The following LEPR variants were observed in gnomAD, a reference collection of about 807,000 sequenced individuals.
LEPR encodes the protein leptin receptor.
LEPR carries 56 observed loss-of-function variants against 114.7 expected under a neutral mutation model. The observed-to-expected ratio is 0.49, with a 90% CI of 0.39 to 0.61. The LOEUF is 0.61. Ranked by LOEUF, LEPR falls within the 20% of genes least tolerant of loss-of-function variation. LEPR has a pLI of 0.00. For missense variants in LEPR, 1,202 were observed against 1,352.9 expected, an observed-to-expected ratio of 0.89 and a Z score of 1.75; for synonymous variants, 443 against 461.4, an observed-to-expected ratio of 0.96 and a Z score of 0.51.
intron 2 of LEPR, among the ~76,000 whole-genome samples, chr1:65,504,776 A>G (rs376129188): frequency 2.8e-4 from 43 of 152,330 alleles, no homozygotes; most frequent in African/African-American, 9.9e-4. Flanking sequence ...ATGTACCAAT[A>G]TTGGTTCATT....
intron 2 of LEPR, chr1:65,526,124 A>G (rs1480474945): frequency 1.0e-6 from 1 of 969,096 alleles, no homozygotes; most frequent in Non-Finnish European, 1.2e-6. Context: ...AGAGCATGCC[A>G]CCCGGCCAAC....
At chr1:65,511,600 T>G (rs1447903353) in intron 2 of LEPR, among the ~76,000 whole-genome samples, 1 of 152,204 alleles carries the variant, frequency 6.6e-6, no homozygotes, top group East Asian at 1.9e-4. Flanking sequence ...CTTGAAACTT[T>G]TTTTAGAAGT....
At chr1:65,472,184 A>G (rs2100417602) in intron 2 of LEPR, among the ~76,000 whole-genome samples, 1 of 150,910 alleles carries the variant, frequency 6.6e-6, no homozygotes, top group South Asian at 2.1e-4. Flanking sequence ...ATTACCAAAC[A>G]TCCGTTTTTT....
At chr1:65,488,256 C>CT (rs1174655302) in intron 2 of LEPR, among the ~76,000 whole-genome samples, 32 of 100,458 alleles carry the variant, frequency 3.2e-4, no homozygotes, top group African/African-American at 1.0e-3. Flanking sequence ...TTCTTTCTTT[C>CT]TTTTCTTTCT....
intron 2 of LEPR, among the ~76,000 whole-genome samples, chr1:65,546,770 T>A (rs1426348428): frequency 6.6e-6 from 1 of 152,208 alleles, no homozygotes; most frequent in African/African-American, 2.4e-5. Flanking sequence ...ACAATTTGAC[T>A]TCCTGTTTTC....
At chr1:65,510,208 C>T (rs1648959987) in intron 2 of LEPR, among the ~76,000 whole-genome samples, 1 of 152,138 alleles carries the variant, frequency 6.6e-6, no homozygotes, top group African/African-American at 2.4e-5. Flanking sequence ...TCTCCCATTC[C>T]TGTTGCCTGA....
intron 2 of LEPR, among the ~76,000 whole-genome samples, chr1:65,441,611 G>A (rs577637823): frequency 5.0e-4 from 76 of 152,304 alleles, no homozygotes; most frequent in Non-Finnish European, 1.5e-5. Flanking sequence ...CCACGACAGG[G>A]AAGGGATTTG....
In LEPR at chr1:65,592,737, A is replaced by C. The variant is rs371233505; in HGVS notation, c.575A>C (p.Glu192Ala). ...GTTCACTGCAATTGCAGTGTTCATG[A>C]ATGTTGTGAATGTCTTGTGCCTGTG... ...QMVHCNCSVHECCECLVPVPT... is the reference protein window; with the variant it reads ...QMVHCNCSVHACCECLVPVPT... The change falls in exon 6 of 20, where the codon GAA becomes GCA. Residue 192 changes from glutamate to alanine, a missense_variant. Glu to Ala is a moderately radical substitution (Grantham distance 107). Transcript: ENST00000349533. The C allele has an allele frequency of 1.4e-5, 22 of 1,613,426 alleles. No individual in the cohort carries two copies. The African/African-American group carries it at 2.9e-4, about 22-fold the overall frequency.
At chr1:65,534,861 C>A (rs901777920) in intron 2 of LEPR, among the ~76,000 whole-genome samples, 1 of 152,150 alleles carries the variant, frequency 6.6e-6, no homozygotes, top group African/African-American at 2.4e-5. Flanking sequence ...GTGAAAAACT[C>A]ATGTTTAAGA....
At chr1:65,623,710 A>G (rs1224145095) in intron 19 of LEPR, among the ~76,000 whole-genome samples, 1 of 148,868 alleles carries the variant, frequency 6.7e-6, no homozygotes, top group Non-Finnish European at 1.5e-5. Flanking sequence ...TGGTGATTGC[A>G]TCTTTATCAT....
In LEPR at chr1:65,636,662, C is replaced by T. The variant is rs1377256602; in HGVS notation, c.3145C>T (p.Pro1049Ser). The change falls in exon 20 of 20, where the codon CCA (proline) becomes TCA (serine). Residue 1049 changes from proline to serine, a missense_variant. Coordinates refer to ENST00000349533, the MANE Select transcript of LEPR (RefSeq NM_002303.6). ...AGATCAGCATCCCAACATAATTTCA[C>T]CACACCTCACATTCTCAGAAGGATT... ...LSDQHPNIIS[P>S]HLTFSEGLDE... is the part of the protein sequence containing the mutation. The T allele has an allele frequency of 2.5e-6, 4 of 1,609,922 alleles. No individual in the cohort carries two copies. In the Admixed American group the frequency reaches 5.0e-5, roughly 20 times the overall value.
At position 65,633,462 on chromosome 1, in the gene LEPR, G is replaced by T; in HGVS notation, c.2674-2729G>T. ...CTGGCTTTTGATTTGTCATATTCCT[G>T]GTCATAAAACATTAAGAAAATTATG... On this transcript the variant is annotated intron_variant, in intron 19 of 19. Coordinates refer to ENST00000349533, the MANE Select transcript of LEPR (RefSeq NM_002303.6). The surrounding 1 kb of genome is among the most constrained non-coding windows in gnomAD (Gnocchi z 4.1). 8.2e-7 allele frequency: 1 copy of T among 1,214,926 alleles called. No individual in the cohort carries two copies. The highest frequency in any genetic ancestry group is 1.0e-6 in the Non-Finnish European group (1 of 975,194). 75.3% of individuals were successfully genotyped at this position (1,214,926 alleles called of 1,614,324 possible).
chr1:65,571,573 A>G (rs894956903), intron 4 of LEPR, among the ~76,000 whole-genome samples: 2 of 150,476 alleles, frequency 1.3e-5, no homozygotes, highest in Admixed American at 1.3e-4. Context: ...TAAAAGCGTG[A>G]TGATTGGGTT....
At chr1:65,519,040 TTC>T (rs1649486553) in intron 2 of LEPR, among the ~76,000 whole-genome samples, 1 of 150,806 alleles carries the variant, frequency 6.6e-6, no homozygotes, top group Non-Finnish European at 1.5e-5. Flanking sequence ...TTCTTTTCTT[TTC>T]TTTCTTTCTC....
chr1:65,582,720 G>A (rs1294179108), intron 5 of LEPR, among the ~76,000 whole-genome samples: 1 of 151,982 alleles, frequency 6.6e-6, no homozygotes, highest in Non-Finnish European at 1.5e-5. Context: ...CCTTTGTTAC[G>A]TGTTCTGAGT....
intron 2 of LEPR, among the ~76,000 whole-genome samples, chr1:65,488,210 T>TTCTTTCTTTCTCTCTCTCTCTC (rs1557620199): frequency 3.9e-5 from 1 of 25,874 alleles, no homozygotes; most frequent in African/African-American, 1.8e-4. Flanking sequence ...CTTTCTTTCT[T>TTCTTTCTTTCTCTCTCTCTCTC]TCTCTCTCTC....
At chr1:65,510,577 AC>A (rs1349922338) in intron 2 of LEPR, among the ~76,000 whole-genome samples, 1 of 152,096 alleles carries the variant, frequency 6.6e-6, no homozygotes, top group Non-Finnish European at 1.5e-5. Context: ...TACTTTATTT[AC>A]CCCATAACCC....
intron 2 of LEPR, among the ~76,000 whole-genome samples, chr1:65,503,801 A>G (rs1309106534): frequency 2.3e-5 from 1 of 42,812 alleles, no homozygotes; most frequent in Non-Finnish European, 7.7e-5. Context: ...TTAGCTACAC[A>G]CACACACACA....
chr1:65,453,985 A>T (rs1646828314), intron 2 of LEPR, among the ~76,000 whole-genome samples: 1 of 151,630 alleles, frequency 6.6e-6, no homozygotes, highest in Non-Finnish European at 1.5e-5. Context: ...GTGCATATAT[A>T]TTTAAGATAG....
Sources: allele counts gnomAD v4.1 joint callset (sites outside exome capture counted in the v4.1 genomes callset), GRCh38; gene constraint gnomAD v4.1.1; non-coding constraint Gnocchi (gnomAD v3.1); transcripts MANE v1.5; gene names NCBI Gene and HGNC (gene_info 2026-07-23, HGNC 2026-07-21).